The following WFS1 variants were observed in gnomAD, a reference collection of about 807,000 sequenced individuals.
WFS1 encodes wolframin.
Under a neutral mutation model 68.5 loss-of-function variants are expected in WFS1, and 90 were observed. The ratio of observed to expected loss-of-function variants is 1.31; its 90% CI spans 1.11 to 1.56. WFS1 has a LOEUF of 1.56. WFS1 is among the 40% of genes most tolerant of loss of function. WFS1 has a pLI of 0.00. For missense variants in WFS1, 1,767 were observed against 1,232.6 expected (o/e 1.43, Z -6.49); for synonymous variants, 860 against 540.7 (o/e 1.59, Z -8.19).
In WFS1 at chr4:6,302,084, C is replaced by A. The variant is rs760792351; in HGVS notation, c.2289C>A (p.His763Gln). 3.1e-6 allele frequency: 5 copies of A among 1,612,920 alleles called. No homozygotes were observed. The South Asian group carries it at 5.5e-5, about 18-fold the overall frequency. ...ELCRLKLLAK[H>Q]PCHIKKFDRY... ...GTCGCCTTAAGCTGCTGGCCAAGCA[C>A]CCCTGCCACATCAAGAAGTTCGACC... The change falls in exon 8 of 8, where the codon CAC (histidine) becomes CAA (glutamine). Residue 763 changes from histidine to glutamine, a missense_variant. Transcript: ENST00000226760.
intron 3 of WFS1, chr4:6,288,729 C>T (rs1363357288): frequency 1.3e-5 from 7 of 533,444 alleles, no homozygotes; most frequent in African/African-American, 7.6e-5. Context: ...AGAACCTGTA[C>T]CAGTACCAGT....
rs11729672 is a variant in WFS1 at position 6,292,111 on chromosome 4, A to G, written c.712+114A>G. ...CTGCCCTATCTCACCCGTGCCTCCCAGCCTGCGCCTGCAGGGCGACCTCTC... is the reference window on the plus strand; with the variant it reads ...CTGCCCTATCTCACCCGTGCCTCCCGGCCTGCGCCTGCAGGGCGACCTCTC... On this transcript the variant is annotated intron_variant, in intron 6 of 7. Transcript: ENST00000226760. 0.63 allele frequency: 692,791 copies of G among 1,106,592 alleles called. 222,538 individuals are homozygous for G. Among genetic ancestry groups the G allele is most frequent in the East Asian group, 0.96 (37,150 of 38,780 alleles). 68.5% of individuals were successfully genotyped at this position (1,106,592 alleles called of 1,614,324 possible). A position where few individuals can be genotyped will look rare whatever the true frequency, so the allele number is the denominator to read the frequency against.
intron 4 of WFS1, among the ~76,000 whole-genome samples, chr4:6,289,750 G>A (rs1035269030): frequency 2.0e-5 from 3 of 152,244 alleles, no homozygotes; most frequent in Non-Finnish European, 4.4e-5. Context: ...AAGGTTCCAC[G>A]CCTCAGGGAA....
rs1197749524 is a variant in WFS1 at position 6,301,861 on chromosome 4, T to G, written c.2066T>G (p.Leu689Arg). The change falls in exon 8 of 8, where the codon CTC becomes CGC. Residue 689 changes from leucine (L) to arginine (R), a missense_variant. Physicochemically the swap from Leu to Arg is moderately radical, Grantham distance 102. Transcript: ENST00000226760. ...ACCAACATGGCGCGCACCCAGATCC[T>G]CTGCAGCCACCTGGAGGGCCACAGG... ...KETNMARTQI[L>R]CSHLEGHRVT... The G allele has an allele frequency of 1.9e-6, 3 of 1,612,922 alleles. No individual in the cohort carries two copies. The highest frequency in any genetic ancestry group is 2.2e-5 in the South Asian group (2 of 91,078).
Position 6,302,001 on chromosome 4 carries a change from G to A in WFS1, c.2206G>A (p.Gly736Ser), listed in dbSNP as rs71532864. The part of the protein sequence containing the change: ...FIGDWMRCLY[G>S]EAYPACSPGN... ...CGGCGACTGGATGCGCTGCCTCTAC[G>A]GCGAGGCCTACCCTGCCTGCAGCCC... The change falls in exon 8 of 8, where the codon GGC becomes AGC. Residue 736 changes from glycine to serine, a missense_variant. Physicochemically the swap from Gly to Ser is moderately conservative, Grantham distance 56. Coordinates refer to ENST00000226760, the MANE Select transcript of WFS1 (RefSeq NM_006005.3). 3.2e-5 allele frequency: 52 copies of A among 1,612,532 alleles called. No individual in the cohort carries two copies. The highest frequency in any genetic ancestry group is 8.9e-5 in the East Asian group (4 of 44,866).
rs1425778785 is a variant in WFS1 at position 6,292,101 on chromosome 4, C to T, written c.712+104C>T. 21 of 1,236,650 alleles carry T rather than the reference C, an allele frequency of 1.7e-5. No individual in the cohort carries two copies. In the African/African-American group the frequency reaches 1.8e-4, roughly 11 times the overall value. The allele number at this position is 1,236,650 out of a possible 1,614,324, so 76.6% of individuals were successfully genotyped here. ...CCATCCTGGCCTGCCCTATCTCACCCGTGCCTCCCAGCCTGCGCCTGCAGG... is the reference window on the plus strand; with the variant it reads ...CCATCCTGGCCTGCCCTATCTCACCTGTGCCTCCCAGCCTGCGCCTGCAGG... On this transcript the variant is annotated intron_variant, in intron 6 of 7. Transcript: ENST00000226760.
intron 7 of WFS1, among the ~76,000 whole-genome samples, chr4:6,300,302 T>G (rs1011784451): frequency 1.3e-5 from 2 of 152,114 alleles, no homozygotes; most frequent in Non-Finnish European, 2.9e-5. Flanking sequence ...CATCTCTTCA[T>G]GTGGGTGACC....
At chr4:6,292,043 A>G (rs1198007623) in intron 6 of WFS1, 46 bp downstream of exon 6, 1 of 1,541,460 alleles carries the variant, frequency 6.5e-7, no homozygotes, top group Non-Finnish European at 8.8e-7. Flanking sequence ...CCCAGCCTGC[A>G]CCTGCAGGGC....
chr4:6,276,241 A>G (rs2109107014), intron 1 of WFS1, among the ~76,000 whole-genome samples: 1 of 152,312 alleles, frequency 6.6e-6, no homozygotes, highest in African/African-American at 2.4e-5. Context: ...CCGCTCATCC[A>G]GGGCCCATCC....
intron 2 of WFS1, among the ~76,000 whole-genome samples, chr4:6,279,053 G>C (rs906898083): frequency 6.6e-6 from 1 of 152,218 alleles, no homozygotes; most frequent in African/African-American, 2.4e-5. Flanking sequence ...TGACAGCCCA[G>C]TCCCCACCAC....
chr4:6,272,397 A>G (rs1221020115), intron 1 of WFS1, among the ~76,000 whole-genome samples: 1 of 152,164 alleles, frequency 6.6e-6, no homozygotes, highest in East Asian at 1.9e-4. Flanking sequence ...TGTTCCTGTG[A>G]ATGTGCCACA....
At chr4:6,300,226 C>T (rs1173575043) in intron 7 of WFS1, among the ~76,000 whole-genome samples, 4 of 152,158 alleles carry the variant, frequency 2.6e-5, no homozygotes, top group Non-Finnish European at 4.4e-5. Flanking sequence ...AGGGAGGTGA[C>T]ATCCTTGCTG....
Position 6,302,179 on chromosome 4 carries a change from A to G in WFS1, c.2384A>G (p.Glu795Gly). The change falls in exon 8 of 8, where the codon GAG becomes GGG. Residue 795 changes from glutamate to glycine, a missense_variant. By Grantham distance (98) the Glu-to-Gly change is moderately conservative. Coordinates refer to ENST00000226760, the MANE Select transcript of WFS1 (RefSeq NM_006005.3). ...SGADGSRSRE[E>G]DDVTKDIVLR... ...GCTGACGGCTCGCGCAGCCGCGAGG[A>G]GGACGACGTCACCAAGGACATCGTG... is the stretch of plus-strand genomic sequence containing the variant. 1 of 1,612,524 alleles carries G rather than the reference A, an allele frequency of 6.2e-7. No individual in the cohort carries two copies. The highest frequency in any genetic ancestry group is 8.5e-7 in the Non-Finnish European group (1 of 1,179,904).
chr4:6,299,695 G>A (rs1407560462), intron 7 of WFS1, among the ~76,000 whole-genome samples: 1 of 139,998 alleles, frequency 7.1e-6, no homozygotes, highest in Non-Finnish European at 1.6e-5. Context: ...GGTTGCGTGT[G>A]TGTGAATGTG....
At chr4:6,286,258 G>A (rs542594863) in intron 2 of WFS1, among the ~76,000 whole-genome samples, 23 of 152,290 alleles carry the variant, frequency 1.5e-4, no homozygotes, top group African/African-American at 5.1e-4. Context: ...CCAGTCCCAT[G>A]GTGTTAGGAG....
intron 1 of WFS1, 87 bp downstream of exon 1, chr4:6,270,101 C>G (rs907026165): frequency 6.6e-6 from 1 of 152,274 alleles, no homozygotes; most frequent in South Asian, 2.1e-4. Context: ...CTGTCCTCTT[C>G]GGGCCTCAGT....
chr4:6,291,871 G>A lies in WFS1; in HGVS notation c.632-46G>A, dbSNP rs768785960. The stretch of plus-strand genomic sequence containing the variant: ...TTTCTGGTGGGCTGCAGGGCACGAG[G>A]AGATAGTCAACTTGTCTGACTGTTA... On this transcript the variant is annotated intron_variant, in intron 5 of 7. Coordinates refer to ENST00000226760, the MANE Select transcript of WFS1 (RefSeq NM_006005.3). 5.1e-6 allele frequency: 8 copies of A among 1,564,372 alleles called. No individual in the cohort carries two copies. The South Asian group carries it at 8.2e-5, about 16-fold the overall frequency.
rs763939426 is a variant in WFS1, at chr4:6,289,135, G to A, written c.460+4G>A. On this transcript the variant is annotated splice_donor_region_variant and intron_variant, in intron 4 of 7. Coordinates refer to ENST00000226760, the MANE Select transcript of WFS1 (RefSeq NM_006005.3). ...CGGTGCTTGGCGGACAGAAGAGGTG[G>A]GTCTGTGTGAGGCTTAGAACAGCCT... 15 of 1,573,926 alleles carry A rather than the reference G, an allele frequency of 9.5e-6. No homozygotes were observed. The highest frequency in any genetic ancestry group is 5.8e-5 in the South Asian group (5 of 85,672).
intron 7 of WFS1, among the ~76,000 whole-genome samples, chr4:6,299,948 G>T (rs1730811230): frequency 6.6e-6 from 1 of 151,454 alleles, no homozygotes; most frequent in African/African-American, 2.4e-5. Flanking sequence ...GTGTGTGTAG[G>T]GGTGGGTTGC....
Sources: allele counts gnomAD v4.1 joint callset (sites outside exome capture counted in the v4.1 genomes callset), GRCh38; gene constraint gnomAD v4.1.1; transcripts MANE v1.5; gene names NCBI Gene and HGNC (gene_info 2026-07-23, HGNC 2026-07-21).